Variants in APIP observed in about 807,000 individuals in gnomAD.
APIP encodes APAF1 interacting protein.
In APIP, 32 loss-of-function variants were observed where a neutral mutation model predicts 32.0. The observed-to-expected ratio is 1.00, with a 90% CI of 0.76 to 1.34. The LOEUF is 1.34. Among genes scored for constraint, APIP ranks in the 40% most tolerant of loss-of-function variants. APIP has a pLI of 0.00. For synonymous variants in APIP, 92 were observed against 94.8 expected, an observed-to-expected ratio of 0.97 and a Z score of 0.17; for missense variants, 247 against 298.6, an observed-to-expected ratio of 0.83 and a Z score of 1.27.
chr11:34,913,804 C>G (rs1853598464), intron 1 of APIP, among the ~76,000 whole-genome samples: 1 of 152,176 alleles, frequency 6.6e-6, no homozygotes, highest in South Asian at 2.1e-4. Flanking sequence ...AAACCTTTAG[C>G]TAGACACAGA....
intron 1 of APIP, chr11:34,896,775 A>G (rs1385081052): frequency 1.1e-5 from 14 of 1,284,224 alleles, no homozygotes; most frequent in Non-Finnish European, 1.4e-5. Context: ...GAGAGAAGTG[A>G]GCGCCAAAGC....
Position 34,882,548 on chromosome 11 carries a change from T to C in APIP, c.*169A>G. On this transcript the variant is annotated 3_prime_UTR_variant, in exon 7 of 7. Coordinates refer to ENST00000395787, the MANE Select transcript of APIP (RefSeq NM_015957.4). ...GCCCTCATTTAAAATTATAAGAATA[T>C]AAGCAAATAACATCCAATGTCAGAA... is the stretch of plus-strand genomic sequence containing the variant. The C allele has an allele frequency of 4.4e-6, 2 of 452,424 alleles. No individual in the cohort carries two copies. The highest frequency in any genetic ancestry group is 7.3e-5 in the East Asian group (2 of 27,426). The allele number at this position is 452,424 out of a possible 1,614,324, so 28.0% of individuals were successfully genotyped here. A position where few individuals can be genotyped will look rare whatever the true frequency, so the allele number is the denominator to read the frequency against.
intron 2 of APIP, among the ~76,000 whole-genome samples, chr11:34,893,627 T>C (rs1374819222): frequency 1.3e-5 from 2 of 152,244 alleles, no homozygotes; most frequent in African/African-American, 4.8e-5. Flanking sequence ...GATGGATTTA[T>C]TGATCTACCA....
In APIP at chr11:34,884,695, G is replaced by T. The variant is rs527816322; in HGVS notation, c.462-1191C>A. Among the ~76,000 whole-genome samples, 366 of 150,854 alleles carry T rather than the reference G, an allele frequency of 2.4e-3. 2 individuals are homozygous for T. Among genetic ancestry groups the T allele is most frequent in the Non-Finnish European group, 3.1e-3 (211 of 67,802 alleles). On this transcript the variant is annotated intron_variant, in intron 5 of 6. Coordinates refer to ENST00000395787, the MANE Select transcript of APIP (RefSeq NM_015957.4). ...GACAAGATCGAGACACTACACTCTAGCCTTGGCGACAGAGCCAGACTTAGT... is the reference window on the plus strand; with the variant it reads ...GACAAGATCGAGACACTACACTCTATCCTTGGCGACAGAGCCAGACTTAGT...
intron 1 of APIP, among the ~76,000 whole-genome samples, chr11:34,913,372 TAAAG>T (rs1330969641): frequency 3.3e-5 from 5 of 152,318 alleles, no homozygotes; most frequent in African/African-American, 1.2e-4. Flanking sequence ...TTACAGTTCT[TAAAG>T]ATGGTGTGTA....
At chr11:34,911,735 T>C (rs921410768) in intron 1 of APIP, among the ~76,000 whole-genome samples, 3 of 152,182 alleles carry the variant, frequency 2.0e-5, no homozygotes, top group African/African-American at 7.2e-5. Context: ...ATGCTGGCCC[T>C]AGTATCTTCT....
chr11:34,906,298 C>A (rs1264304255), intron 1 of APIP, among the ~76,000 whole-genome samples: 1 of 152,040 alleles, frequency 6.6e-6, no homozygotes, highest in African/African-American at 2.4e-5. Flanking sequence ...CTGGAGTCAT[C>A]CCTAATTGAG....
At chr11:34,912,765 C>T (rs1190433904) in intron 1 of APIP, among the ~76,000 whole-genome samples, 2 of 152,210 alleles carry the variant, frequency 1.3e-5, no homozygotes, top group Non-Finnish European at 2.9e-5. Context: ...TCTCCTCGCT[C>T]CTCAGCCTGC....
chr11:34,882,950 A>C (rs1031887147), intron 6 of APIP, 134 bp from the exon 7 acceptor site: 1 of 629,670 alleles, frequency 1.6e-6, no homozygotes, highest in Non-Finnish European at 2.7e-6. Context: ...TTCTAGGCCA[A>C]AATTCTATTT....
intron 1 of APIP, among the ~76,000 whole-genome samples, chr11:34,901,662 C>A (rs1220270730): frequency 6.6e-6 from 1 of 152,180 alleles, no homozygotes; most frequent in Non-Finnish European, 1.5e-5. Flanking sequence ...CTTTTAAAAT[C>A]ATGGCTGAAA....
intron 3 of APIP, 28 bp downstream of exon 3, chr11:34,890,476 C>A: frequency 6.3e-7 from 1 of 1,585,724 alleles, no homozygotes; most frequent in Non-Finnish European, 8.6e-7. Context: ...AGAAAAGACA[C>A]TGAGGTTAAA....
intron 1 of APIP, among the ~76,000 whole-genome samples, chr11:34,907,659 G>A (rs1241602525): frequency 6.6e-6 from 1 of 152,112 alleles, no homozygotes; most frequent in Non-Finnish European, 1.5e-5. Flanking sequence ...TTGGTATCTA[G>A]TTCTCTCCTG....
chr11:34,893,954 T>C (rs1853223525), intron 2 of APIP, among the ~76,000 whole-genome samples: 1 of 152,202 alleles, frequency 6.6e-6, no homozygotes, highest in South Asian at 2.1e-4. Context: ...TGAATTAGAA[T>C]GAAGTAATAA....
At chr11:34,887,084 A>G (rs1853086356) in intron 5 of APIP, among the ~76,000 whole-genome samples, 2 of 152,328 alleles carry the variant, frequency 1.3e-5, no homozygotes, top group African/African-American at 2.4e-5. Flanking sequence ...CTTCAAATTC[A>G]GATAAAATAA....
chr11:34,882,651 T>C lies in APIP; in HGVS notation c.*66A>G. ...AAAAATTTCAATTCATTTAAAAAAA[T>C]AGCTTTCATTTAAATAATAATTACG... is the stretch of plus-strand genomic sequence containing the variant. On this transcript the variant is annotated 3_prime_UTR_variant, in exon 7 of 7. Transcript: ENST00000395787. 3.2e-6 allele frequency: 4 copies of C among 1,238,690 alleles called. No homozygotes were observed. The South Asian group carries it at 4.4e-5, about 13-fold the overall frequency. 76.7% of individuals were successfully genotyped at this position (1,238,690 alleles called of 1,614,324 possible).
At position 34,888,805 on chromosome 11, in the gene APIP, T is replaced by C. The variant is rs1853131676; in HGVS notation, c.272A>G (p.Lys91Arg). The C allele has an allele frequency of 6.6e-7, 1 of 1,521,534 alleles. No homozygotes were observed. The highest frequency in any genetic ancestry group is 8.7e-7 in the Non-Finnish European group (1 of 1,148,614). 94.3% of individuals were successfully genotyped at this position (1,521,534 alleles called of 1,614,324 possible). The stretch of plus-strand genomic sequence containing the variant: ...AGGAGTACACTGGCTTTTTTTTAGC[T>C]TCTTCGATGGCGAAGGTCCACTTAT... The part of the protein sequence containing the change: ...KDISGPSPSK[K>R]LKKSQCTPLF... The change falls in exon 4 of 7, where the codon AAG becomes AGG. Residue 91 changes from lysine to arginine, a missense_variant. By Grantham distance (26) the Lys-to-Arg change is conservative (BLOSUM62 2). Transcript: ENST00000395787.
rs1282406610 is a variant in APIP, at chr11:34,916,232, G to A, written c.53C>T (p.Ala18Val). ...EGDCCSRRCGAQDKEHPRYLI... is the reference protein window; with the variant it reads ...EGDCCSRRCGVQDKEHPRYLI... The stretch of plus-strand genomic sequence containing the variant: ...CACCGGTGGCCCCGCCCCTACCTGC[G>A]CGCCGCATCTCCGGGAACAACAGTC... The change falls in exon 1 of 7, where the codon GCG becomes GTG. Residue 18 changes from alanine to valine, a missense_variant. Ala to Val is a moderately conservative substitution (Grantham distance 64). Transcript: ENST00000395787. 3.1e-6 allele frequency: 5 copies of A among 1,611,630 alleles called. No individual in the cohort carries two copies. The highest frequency in any genetic ancestry group is 4.2e-6 in the Non-Finnish European group (5 of 1,179,346).
At chr11:34,906,851 T>C (rs1853467804) in intron 1 of APIP, among the ~76,000 whole-genome samples, 1 of 152,228 alleles carries the variant, frequency 6.6e-6, no homozygotes, top group Non-Finnish European at 1.5e-5. Flanking sequence ...GTTAGCTCCT[T>C]TATTAAGTCC....
chr11:34,912,883 C>T (rs1590716996), intron 1 of APIP, among the ~76,000 whole-genome samples: 1 of 152,328 alleles, frequency 6.6e-6, no homozygotes, highest in South Asian at 2.1e-4. Flanking sequence ...CTGCTAAATA[C>T]ACTCAGTGTA....
Sources: gnomAD v4.1 joint callset for allele counts (sites outside exome capture counted in the v4.1 genomes callset) on GRCh38, gnomAD v4.1.1 for gene constraint, MANE v1.5 for transcripts, NCBI Gene and HGNC (gene_info 2026-07-23, HGNC 2026-07-21) for gene names.